ERBIN: variants seen among roughly 807,000 people sequenced by gnomAD.
The protein encoded by ERBIN is erbb2 interacting protein, also known as densin-180-like protein.
In ERBIN, 60 loss-of-function variants were observed where a neutral mutation model predicts 158.4. That is an observed-to-expected ratio of 0.38 (90% CI 0.31 to 0.47). The LOEUF is 0.47. Ranked by LOEUF, ERBIN falls within the 20% of genes least tolerant of loss-of-function variation. The pLI, the probability that ERBIN is intolerant of heterozygous loss-of-function variation, is 0.99. For missense variants in ERBIN, 1,610 were observed against 1,648.0 expected (o/e 0.98, Z 0.40); for synonymous variants, 594 against 557.2 (o/e 1.07, Z -0.93).
chr5:66,048,229 A>G (rs1251570989), intron 18 of ERBIN, among the ~76,000 whole-genome samples: 1 of 151,938 alleles, frequency 6.6e-6, no homozygotes, highest in Non-Finnish European at 1.5e-5. Flanking sequence ...TAAGATCAGT[A>G]GAGTAGACAG....
chr5:65,928,678 T>G (rs1742985573), intron 1 of ERBIN, among the ~76,000 whole-genome samples: 1 of 152,184 alleles, frequency 6.6e-6, no homozygotes, highest in Non-Finnish European at 1.5e-5. Context: ...TGAAGTGAGG[T>G]GTTCACCTTT....
intron 1 of ERBIN, among the ~76,000 whole-genome samples, chr5:65,946,179 A>G (rs57113744): frequency 0.04 from 6,085 of 152,168 alleles, 412 homozygotes; most frequent in African/African-American, 0.14. Flanking sequence ...AGCCTGGGCA[A>G]CATGATGAAA....
rs535987042 is a variant in ERBIN at position 65,943,579 on chromosome 5, T to G, written c.-58+16773T>G. Among the ~76,000 whole-genome samples, 7 of 152,370 alleles carry G rather than the reference T, an allele frequency of 4.6e-5. No homozygotes were observed. In the South Asian group the frequency reaches 1.4e-3, roughly 32 times the overall value. On this transcript the variant is annotated intron_variant, in intron 1 of 25. Transcript: ENST00000284037. ...CTACAGCTCTTAGTTGGCCTCTTTG[T>G]GTACATCCTGTTCATCCAAGTCCAA...
chr5:66,049,924 A>G (rs1403031281), intron 19 of ERBIN, among the ~76,000 whole-genome samples: 1 of 152,144 alleles, frequency 6.6e-6, no homozygotes. Context: ...TTTACCATTC[A>G]TAAACAAGTT....
intron 4 of ERBIN, among the ~76,000 whole-genome samples, chr5:66,010,103 G>A (rs1580338959): frequency 6.6e-6 from 1 of 152,022 alleles, no homozygotes; most frequent in African/African-American, 2.4e-5. Flanking sequence ...TGTTACTTTC[G>A]CGTATTGCAT....
chr5:66,045,178 CA>C lies in ERBIN; in HGVS notation c.1602+869del, dbSNP rs1289165964. Among the ~76,000 whole-genome samples the C allele has an allele frequency of 9.9e-5, 15 of 151,946 alleles. 1 individual carries two copies. The highest frequency in any genetic ancestry group is 6.2e-4 in the South Asian group (3 of 4,820). On this transcript the variant is annotated intron_variant, in intron 17 of 25. Coordinates refer to ENST00000284037, the MANE Select transcript of ERBIN (RefSeq NM_001253697.2). The stretch of plus-strand genomic sequence containing the variant: ...AGGCTGCAGTGAGCTATGATCATGC[CA>C]CAGCACTCCGGCATGGGTGACAGAG...
At chr5:65,981,814 A>G (rs1750693831) in intron 1 of ERBIN, among the ~76,000 whole-genome samples, 1 of 152,184 alleles carries the variant, frequency 6.6e-6, no homozygotes, top group African/African-American at 2.4e-5. Flanking sequence ...GGCAACATTC[A>G]AAGAAGGTAA....
intron 14 of ERBIN, among the ~76,000 whole-genome samples, chr5:66,030,012 A>G (rs533968513): frequency 6.6e-6 from 1 of 152,072 alleles, no homozygotes; most frequent in Non-Finnish European, 1.5e-5. Flanking sequence ...AAATATTAAA[A>G]TGATACATTG....
At chr5:66,016,297 A>G (rs1754705861) in intron 7 of ERBIN, among the ~76,000 whole-genome samples, 2 of 152,218 alleles carry the variant, frequency 1.3e-5, no homozygotes, top group Admixed American at 1.3e-4. Flanking sequence ...CAAGATGTAA[A>G]TTGTTTACTG....
At chr5:65,977,127 C>T (rs6866898) in intron 1 of ERBIN, among the ~76,000 whole-genome samples, 5,560 of 146,944 alleles carry the variant, frequency 0.038, 346 homozygotes, top group African/African-American at 0.13. Context: ...CCGGACGGGG[C>T]GGCTGGCCGG....
chr5:66,059,870 G>A, intron 21 of ERBIN, among the ~76,000 whole-genome samples: 1 of 152,304 alleles, frequency 6.6e-6, no homozygotes. Flanking sequence ...AACCAGCCTT[G>A]CATCCCAGGG....
At chr5:66,052,225 A>C (rs1269399512) in intron 20 of ERBIN, among the ~76,000 whole-genome samples, 1 of 151,702 alleles carries the variant, frequency 6.6e-6, no homozygotes, top group African/African-American at 2.4e-5. Flanking sequence ...GATCGGGGTT[A>C]CTACTAAACC....
intron 2 of ERBIN, among the ~76,000 whole-genome samples, chr5:65,990,599 A>G (rs962312138): frequency 4.0e-5 from 6 of 151,684 alleles, no homozygotes; most frequent in African/African-American, 1.5e-4. Context: ...CGGAGCTTGC[A>G]GTGAGCTGAG....
intron 21 of ERBIN, among the ~76,000 whole-genome samples, chr5:66,056,590 C>T (rs577109329): frequency 2.3e-4 from 35 of 151,674 alleles, no homozygotes; most frequent in Middle Eastern, 6.8e-3. Flanking sequence ...ATTCACGGTA[C>T]GGGTTCTTGA....
chr5:65,956,245 G>A (rs1296429719), intron 1 of ERBIN, among the ~76,000 whole-genome samples: 2 of 152,038 alleles, frequency 1.3e-5, no homozygotes, highest in Non-Finnish European at 2.9e-5. Context: ...AGGCCCTTCG[G>A]GGTGTGGGTG....
intron 21 of ERBIN, among the ~76,000 whole-genome samples, chr5:66,057,920 A>G (rs1196207032): frequency 6.7e-6 from 1 of 150,022 alleles, no homozygotes; most frequent in African/African-American, 2.5e-5. Flanking sequence ...ACATTTTCTT[A>G]ATCCAGTCTA....
At chr5:65,932,107 C>T (rs367592994) in intron 1 of ERBIN, among the ~76,000 whole-genome samples, 1 of 151,782 alleles carries the variant, frequency 6.6e-6, no homozygotes, top group South Asian at 2.1e-4. Flanking sequence ...CGTGAGCCAC[C>T]GCGCAAAGTG....
intron 22 of ERBIN, among the ~76,000 whole-genome samples, chr5:66,072,935 C>G (rs1428619615): frequency 1.3e-5 from 2 of 152,074 alleles, no homozygotes; most frequent in Non-Finnish European, 2.9e-5. Flanking sequence ...GAGTAGCTAC[C>G]TGGTCATCTA....
At position 65,958,009 on chromosome 5, in the gene ERBIN, C is replaced by T. The variant is rs556232971; in HGVS notation, c.-57-30626C>T. On this transcript the variant is annotated intron_variant, in intron 1 of 25. Transcript: ENST00000284037. ...GTCGCGGCCGGGCAGAGGCGCTCCT[C>T]ACATCCCAGACGGGGTGGCGGGGCA... Among the ~76,000 whole-genome samples the T allele has an allele frequency of 1.8e-3, 269 of 151,982 alleles. 1 individual carries two copies. Among genetic ancestry groups the T allele is most frequent in the African/African-American group, 6.3e-3 (261 of 41,426 alleles).
Sources: allele counts gnomAD v4.1 joint callset (sites outside exome capture counted in the v4.1 genomes callset), GRCh38; gene constraint gnomAD v4.1.1; transcripts MANE v1.5; gene names NCBI Gene and HGNC (gene_info 2026-07-23, HGNC 2026-07-21).